Variants in COL5A1 observed in about 807,000 individuals in gnomAD.
COL5A1 encodes collagen alpha-1(V) chain.
COL5A1 carries 16 observed loss-of-function variants against 263.7 expected under a neutral mutation model. That is an observed-to-expected ratio of 0.06 (90% CI 0.04 to 0.09). The LOEUF (loss-of-function observed/expected upper bound fraction) is 0.09, where lower values mean the gene tolerates loss of function less well. Ranked by LOEUF, COL5A1 falls within the 10% of genes least tolerant of loss-of-function variation. The pLI is 1.00. For synonymous variants in COL5A1, 1,012 were observed against 1,004.5 expected (o/e 1.01, Z -0.14); for missense variants, 2,036 against 2,540.5 (o/e 0.80, Z 4.27).
chr9:134,697,832 G>A (rs531941705), intron 2 of COL5A1, among the ~76,000 whole-genome samples: 3 of 152,226 alleles, frequency 2.0e-5, no homozygotes, highest in East Asian at 1.9e-4. Flanking sequence ...AGCCATAATC[G>A]CAGCAGTTTG....
chr9:134,817,187 G>A lies in COL5A1; in HGVS notation c.4176+108G>A, dbSNP rs936323342. 7 of 979,398 alleles carry A rather than the reference G, an allele frequency of 7.1e-6. No homozygotes were observed. The East Asian group carries it at 1.0e-4, about 14-fold the overall frequency. The allele number at this position is 979,398 out of a possible 1,614,324, so 60.7% of individuals were successfully genotyped here. A position where few individuals can be genotyped will look rare whatever the true frequency, so the allele number is the denominator to read the frequency against. The stretch of plus-strand genomic sequence containing the variant: ...CCTGGGTGCTCTAAGCTGCACTGAT[G>A]AGGAAGGGCTCGGGTGTGGCATGTT... On this transcript the variant is annotated intron_variant, in intron 53 of 65. Transcript: ENST00000371817.
intron 48 of COL5A1, among the ~76,000 whole-genome samples, chr9:134,813,292 A>G (rs1182331760): frequency 6.6e-6 from 1 of 152,050 alleles, no homozygotes; most frequent in Non-Finnish European, 1.5e-5. Flanking sequence ...CCTGACTGCA[A>G]AAGCACCTCT....
intron 59 of COL5A1, among the ~76,000 whole-genome samples, chr9:134,822,721 C>CT (rs891966133): frequency 7.6e-6 from 1 of 132,290 alleles, no homozygotes; most frequent in Admixed American, 7.3e-5. Flanking sequence ...TTCCGCTGCG[C>CT]CCCCCCCGCG....
chr9:134,646,339 G>C (rs1045952432), intron 1 of COL5A1, among the ~76,000 whole-genome samples: 1 of 151,394 alleles, frequency 6.6e-6, no homozygotes, highest in East Asian at 2.0e-4. Context: ...GAGCTTCCTG[G>C]AGGAGGTGAT....
At chr9:134,762,146 A>T (rs1033657555) in intron 19 of COL5A1, among the ~76,000 whole-genome samples, 168 bp downstream of exon 19, 2 of 152,222 alleles carry the variant, frequency 1.3e-5, no homozygotes, top group African/African-American at 4.8e-5. Flanking sequence ...GATTGATCAG[A>T]TGCCAAGAGG....
intron 2 of COL5A1, among the ~76,000 whole-genome samples, chr9:134,692,150 T>C (rs935041576): frequency 6.6e-6 from 1 of 152,226 alleles, no homozygotes; most frequent in Non-Finnish European, 1.5e-5. Context: ...GAACGAGTTA[T>C]TTCAAGAAAC....
Position 134,794,982 on chromosome 9 carries a change from G to A in COL5A1, c.2701-100G>A. 1.5e-6 allele frequency: 2 copies of A among 1,362,172 alleles called. No individual in the cohort carries two copies. The highest frequency in any genetic ancestry group is 2.1e-6 in the Non-Finnish European group (2 of 957,522). 84.4% of individuals were successfully genotyped at this position (1,362,172 alleles called of 1,614,324 possible). The stretch of plus-strand genomic sequence containing the variant: ...GGGAGGCCCAGGTTCCTCCTATCCT[G>A]CTCTGAATTCACAGTCTCTCAATAA... On this transcript the variant is annotated intron_variant, in intron 32 of 65. Transcript: ENST00000371817. The surrounding 1 kb of genome is among the most constrained non-coding windows in gnomAD (Gnocchi z 4.3).
intron 1 of COL5A1, among the ~76,000 whole-genome samples, chr9:134,684,228 C>A (rs115307230): frequency 6.6e-4 from 101 of 152,346 alleles, no homozygotes; most frequent in African/African-American, 2.3e-3. Flanking sequence ...CACCAGTGGA[C>A]GACCAGGAAC....
intron 9 of COL5A1, among the ~76,000 whole-genome samples, chr9:134,734,683 C>A (rs900129483): frequency 6.6e-6 from 1 of 152,234 alleles, no homozygotes; most frequent in Non-Finnish European, 1.5e-5. Flanking sequence ...CAGGAATCCA[C>A]GGAACCGAGA....
Position 134,805,184 on chromosome 9 carries a change from T to C in COL5A1, c.3228T>C (p.Asn1076=), listed in dbSNP as rs769227916. The C allele has an allele frequency of 3.7e-6, 6 of 1,613,854 alleles. No homozygotes were observed. The South Asian group carries it at 5.5e-5, about 15-fold the overall frequency. The change falls in exon 41 of 66, where the codon AAT becomes AAC. Residue 1076 remains asparagine (N), a synonymous_variant. Transcript: ENST00000371817. ...AGGGAGCTCTTGGACTGAAAGGCAA[T>C]GAAGGGCCCCCTGGCCCACCAGGCC... ...GPVGALGLKG[N]EGPPGPPGPA... is the part of the protein sequence containing the mutation.
Position 134,789,128 on chromosome 9 carries a change from A to T in COL5A1, c.2647-27A>T. 6 of 1,610,420 alleles carry T rather than the reference A, an allele frequency of 3.7e-6. No homozygotes were observed. The highest frequency in any genetic ancestry group is 3.4e-6 in the Non-Finnish European group (4 of 1,177,816). ...ATGACTCATTCCTGGCCCAGCTCTG[A>T]TGCCTCCTCCTTAAACTCTCTTTCA... is the stretch of plus-strand genomic sequence containing the variant. On this transcript the variant is annotated intron_variant, in intron 31 of 65. Coordinates refer to ENST00000371817, the MANE Select transcript of COL5A1 (RefSeq NM_000093.5). The surrounding 1 kb of genome is among the most constrained non-coding windows in gnomAD (Gnocchi z 4.8).
intron 1 of COL5A1, among the ~76,000 whole-genome samples, chr9:134,651,928 C>T (rs1195659537): frequency 6.6e-6 from 1 of 152,090 alleles, no homozygotes; most frequent in South Asian, 2.1e-4. Context: ...TCTGCTCTTC[C>T]CCTGGGGAAA....
chr9:134,833,225 C>T (rs931442714), intron 64 of COL5A1, among the ~76,000 whole-genome samples: 3 of 152,238 alleles, frequency 2.0e-5, no homozygotes, highest in Non-Finnish European at 4.4e-5. Flanking sequence ...CATCGATGTC[C>T]CCTGGAAGTG....
At chr9:134,730,142 G>A in intron 6 of COL5A1, 94 bp from the exon 7 acceptor site, 1 of 1,568,468 alleles carries the variant, frequency 6.4e-7, no homozygotes, top group Non-Finnish European at 8.7e-7. Flanking sequence ...CGTTGCCACT[G>A]AGATGCCTGC....
Position 134,754,235 on chromosome 9 carries a change from G to T in COL5A1, c.1774-38G>T. ...CTTTGCTCTTTCTCCTGAGAAAGGC[G>T]GACTCGCCACTGACCCTTTGTCTCT... On this transcript the variant is annotated intron_variant, in intron 15 of 65. Transcript: ENST00000371817. This position sits in a 1 kb window ranked among gnomAD's most constrained non-coding sequence, Gnocchi z 4.3. 6.2e-7 allele frequency: 1 copy of T among 1,607,474 alleles called. No homozygotes were observed. Among genetic ancestry groups the T allele is most frequent in the Non-Finnish European group, 8.5e-7 (1 of 1,175,816 alleles).
rs1832844273 is a variant in COL5A1 at position 134,681,160 on chromosome 9, G to A, written c.110-9752G>A. 6.6e-6 allele frequency among the ~76,000 whole-genome samples: 1 copy of A among 152,214 alleles called. No homozygotes were observed. Among genetic ancestry groups the A allele is most frequent in the South Asian group, 2.1e-4 (1 of 4,836 alleles). ...CACTGATGAGGCCGCCTGCCTTGCA[G>A]GGAGGGCTGGGGTGGGGGGGCCTCA... On this transcript the variant is annotated intron_variant, in intron 1 of 65. Transcript: ENST00000371817. This position sits in a 1 kb window ranked among gnomAD's most constrained non-coding sequence, Gnocchi z 4.3.
At chr9:134,732,280 C>T (rs770470577) in intron 9 of COL5A1, 153 bp downstream of exon 9, 1 of 750,480 alleles carries the variant, frequency 1.3e-6, no homozygotes, top group Admixed American at 2.0e-5. Context: ...AGTCCACGCA[C>T]CACTTGTCCC....
chr9:134,808,720 G>A (rs929345637), intron 42 of COL5A1, among the ~76,000 whole-genome samples: 8 of 152,236 alleles, frequency 5.3e-5, no homozygotes, highest in Admixed American at 1.3e-4. Context: ...TCATGTGTGA[G>A]CATGCATGTC....
At chr9:134,701,686 C>T (rs1476338629) in intron 4 of COL5A1, among the ~76,000 whole-genome samples, 5 of 152,170 alleles carry the variant, frequency 3.3e-5, no homozygotes, top group African/African-American at 1.2e-4. Context: ...CGTCTGTATC[C>T]GAGGCCATCC....
Sources: allele counts gnomAD v4.1 joint callset (sites outside exome capture counted in the v4.1 genomes callset), GRCh38; gene constraint gnomAD v4.1.1; non-coding constraint Gnocchi (gnomAD v3.1); transcripts MANE v1.5; gene names NCBI Gene and HGNC (gene_info 2026-07-23, HGNC 2026-07-21).